KIF16B: variants seen among roughly 807,000 people sequenced by gnomAD.
KIF16B encodes the protein kinesin-like protein KIF16B.
Under a neutral mutation model 156.3 loss-of-function variants are expected in KIF16B, and 98 were observed. That is an observed-to-expected ratio of 0.63 (90% CI 0.53 to 0.74). KIF16B has a LOEUF of 0.74. Ranked by LOEUF, KIF16B falls within the 30% of genes least tolerant of loss-of-function variation. The pLI is 0.00. For missense variants in KIF16B, 1,421 were observed against 1,606.5 expected (o/e 0.88, Z 1.97); for synonymous variants, 564 against 583.7 (o/e 0.97, Z 0.49).
At position 16,328,582 on chromosome 20, in the gene KIF16B, C is replaced by T. The variant is rs2063895931; in HGVS notation, c.3711+7344G>A. ...TCAAAAGACCCTCAATGATTGATTCCAGTACTTCATCTGTTTCACAGTGAG... is the reference window on the plus strand; with the variant it reads ...TCAAAAGACCCTCAATGATTGATTCTAGTACTTCATCTGTTTCACAGTGAG... On this transcript the variant is annotated intron_variant, in intron 24 of 25. Transcript: ENST00000354981. Among the ~76,000 whole-genome samples, 3 of 152,130 alleles carry T rather than the reference C, an allele frequency of 2.0e-5. No homozygotes were observed. The South Asian group carries it at 6.2e-4, about 32-fold the overall frequency.
At chr20:16,434,061 A>G (rs192214232) in intron 12 of KIF16B, among the ~76,000 whole-genome samples, 3 of 152,192 alleles carry the variant, frequency 2.0e-5, no homozygotes, top group Non-Finnish European at 4.4e-5. Flanking sequence ...GCTTATTTGG[A>G]TTAAAAAAAA....
chr20:16,520,509 A>C (rs1309142779), intron 3 of KIF16B, among the ~76,000 whole-genome samples: 1 of 152,156 alleles, frequency 6.6e-6, no homozygotes, highest in Non-Finnish European at 1.5e-5. Flanking sequence ...GCATCTCTGA[A>C]AGAAAGGCAG....
chr20:16,548,762 T>C (rs2070511563), intron 1 of KIF16B, among the ~76,000 whole-genome samples: 1 of 152,170 alleles, frequency 6.6e-6, no homozygotes, highest in South Asian at 2.1e-4. Flanking sequence ...TTCCTGGCTA[T>C]TTCCATACCC....
chr20:16,432,931 G>A (rs1222514279), intron 12 of KIF16B, among the ~76,000 whole-genome samples: 1 of 152,082 alleles, frequency 6.6e-6, no homozygotes, highest in Non-Finnish European at 1.5e-5. Flanking sequence ...CCCATTCCAT[G>A]GCTCAGAACC....
intron 12 of KIF16B, among the ~76,000 whole-genome samples, chr20:16,482,652 C>T (rs1416738863): frequency 2.6e-5 from 4 of 152,172 alleles, no homozygotes; most frequent in African/African-American, 7.2e-5. Flanking sequence ...GTTCACACCA[C>T]AGTACAGATA....
chr20:16,371,837 G>A (rs1009029948), intron 20 of KIF16B, 76 bp from the exon 21 acceptor site: 19 of 979,896 alleles, frequency 1.9e-5, no homozygotes, highest in African/African-American at 1.4e-4. Context: ...TCTTTACTAC[G>A]CCCTTCACAA....
At chr20:16,453,985 C>G (rs1361504648) in intron 12 of KIF16B, among the ~76,000 whole-genome samples, 1 of 152,150 alleles carries the variant, frequency 6.6e-6, no homozygotes, top group East Asian at 1.9e-4. Flanking sequence ...TGCACACACG[C>G]ATTATTCTCA....
At chr20:16,395,634 T>C (rs1206149453) in intron 17 of KIF16B, among the ~76,000 whole-genome samples, 2 of 151,140 alleles carry the variant, frequency 1.3e-5, no homozygotes, top group Non-Finnish European at 2.9e-5. Flanking sequence ...TCATAGAGCA[T>C]TCTAGTACAG....
At chr20:16,535,422 A>G (rs1004161281) in intron 1 of KIF16B, among the ~76,000 whole-genome samples, 1 of 152,186 alleles carries the variant, frequency 6.6e-6, no homozygotes, top group South Asian at 2.1e-4. Flanking sequence ...ATATAAGATC[A>G]TGTCATCTGC....
chr20:16,497,840 C>G (rs1240045279), intron 10 of KIF16B, among the ~76,000 whole-genome samples, 162 bp from the exon 11 acceptor site: 1 of 152,214 alleles, frequency 6.6e-6, no homozygotes, highest in Non-Finnish European at 1.5e-5. Context: ...CAAGTCTTTA[C>G]TCCACGGGAT....
intron 9 of KIF16B, among the ~76,000 whole-genome samples, chr20:16,505,042 AGG>A (rs1480943614): frequency 6.6e-6 from 1 of 152,198 alleles, no homozygotes; most frequent in Admixed American, 6.5e-5. Context: ...TTTAAGGATT[AGG>A]TGACTATACA....
chr20:16,446,131 C>T (rs2066925089), intron 12 of KIF16B, among the ~76,000 whole-genome samples: 1 of 152,162 alleles, frequency 6.6e-6, no homozygotes, highest in African/African-American at 2.4e-5. Context: ...AGGAAGTTGT[C>T]ACCTTTAATA....
intron 17 of KIF16B, among the ~76,000 whole-genome samples, chr20:16,400,446 C>T (rs1024347907): frequency 1.3e-5 from 2 of 152,140 alleles, no homozygotes; most frequent in African/African-American, 4.8e-5. Flanking sequence ...TGGAAAATAG[C>T]ATAGCAGTTC....
intron 12 of KIF16B, among the ~76,000 whole-genome samples, chr20:16,464,769 C>G (rs866291196): frequency 8.5e-5 from 13 of 152,248 alleles, no homozygotes; most frequent in Middle Eastern, 6.8e-3. Context: ...CTTCAAATGT[C>G]TTGAACTCTG....
intron 12 of KIF16B, among the ~76,000 whole-genome samples, chr20:16,440,541 A>G (rs879739441): frequency 0.22 from 7,729 of 34,432 alleles, 345 homozygotes; most frequent in African/African-American, 0.36. Flanking sequence ...GCGCACACAC[A>G]CACACACACA....
chr20:16,348,251 T>A (rs978013260), intron 23 of KIF16B, among the ~76,000 whole-genome samples: 1 of 152,156 alleles, frequency 6.6e-6, no homozygotes, highest in African/African-American at 2.4e-5. Context: ...CTTATAAATG[T>A]GTAGAAAGTA....
chr20:16,459,225 G>C (rs2067284885), intron 12 of KIF16B, among the ~76,000 whole-genome samples: 1 of 152,106 alleles, frequency 6.6e-6, no homozygotes, highest in Admixed American at 6.6e-5. Context: ...CTAATATAGA[G>C]AGGCATGAAA....
chr20:16,292,533 A>T (rs1177349943), intron 25 of KIF16B, among the ~76,000 whole-genome samples: 1 of 152,232 alleles, frequency 6.6e-6, no homozygotes, highest in Non-Finnish European at 1.5e-5. Context: ...ATCTGAAAAA[A>T]AGCACAAGGT....
intron 12 of KIF16B, among the ~76,000 whole-genome samples, chr20:16,432,302 C>T (rs2066523991): frequency 6.6e-6 from 1 of 152,130 alleles, no homozygotes; most frequent in South Asian, 2.1e-4. Context: ...ACTGTACGAG[C>T]AACAGAAAAC....
Sources: gnomAD v4.1 joint callset for allele counts (sites outside exome capture counted in the v4.1 genomes callset) on GRCh38, gnomAD v4.1.1 for gene constraint, MANE v1.5 for transcripts, NCBI Gene and HGNC (gene_info 2026-07-23, HGNC 2026-07-21) for gene names.